The following PRR5 variants were observed in gnomAD, a reference collection of about 807,000 sequenced individuals.
PRR5 encodes proline rich 5.
In PRR5, 25 loss-of-function variants were observed where a neutral mutation model predicts 30.6. That is an observed-to-expected ratio of 0.82 (90% CI 0.60 to 1.14). The LOEUF (loss-of-function observed/expected upper bound fraction) is 1.14. Among genes scored for constraint, PRR5 ranks in the 50% most tolerant of loss-of-function variants. The pLI is 0.00. For missense variants in PRR5, 600 were observed against 547.1 expected (o/e 1.10, Z -0.96); for synonymous variants, 286 against 247.1 (o/e 1.16, Z -1.48).
chr22:44,675,762 GTTATTATTATTA>G (rs150864660), upstream of PRR5, among the ~76,000 whole-genome samples: 10 of 142,962 alleles, frequency 7.0e-5, no homozygotes, highest in African/African-American at 1.8e-4. Flanking sequence ...TGTTGCTGTT[GTTATTATTATTA>G]TTATTATTAT....
intron 3 of PRR5, among the ~76,000 whole-genome samples, chr22:44,725,703 T>A (rs762113714): frequency 1.3e-5 from 2 of 151,744 alleles, no homozygotes; most frequent in Non-Finnish European, 2.9e-5. Context: ...CTTGCTCTGT[T>A]GTCCAGGCTG....
At chr22:44,689,062 C>T (rs964150382) in intron 1 of PRR5, among the ~76,000 whole-genome samples, 6 of 152,072 alleles carry the variant, frequency 3.9e-5, no homozygotes, top group African/African-American at 9.7e-5. Context: ...TTTACAAGCT[C>T]GATCATAGAA....
upstream of PRR5, among the ~76,000 whole-genome samples, chr22:44,674,704 G>C (rs898436642): frequency 2.0e-5 from 3 of 151,584 alleles, no homozygotes; most frequent in African/African-American, 7.3e-5. Context: ...GGGCGACAGA[G>C]AGAGACTCCG....
At chr22:44,710,285 A>G (rs928324157) in intron 1 of PRR5, among the ~76,000 whole-genome samples, 2 of 147,066 alleles carry the variant, frequency 1.4e-5, no homozygotes, top group Non-Finnish European at 3.0e-5. Context: ...CCTCACCTGC[A>G]CCCCCCCCCC....
At position 44,702,455 on chromosome 22, in the gene PRR5, C is replaced by A. The variant is rs1398555059; in HGVS notation, c.-20C>A. On this transcript the variant is annotated 5_prime_UTR_variant, in exon 1 of 8. Transcript: ENST00000336985. Reference sequence around the variant, plus strand: ...CGGCGTGGGGCGCGCGTGGGCGCGGCGCAGGCGGCCCGGGTCACCATGAGG... The same window carrying A: ...CGGCGTGGGGCGCGCGTGGGCGCGGAGCAGGCGGCCCGGGTCACCATGAGG... 7.5e-7 allele frequency: 1 copy of A among 1,333,002 alleles called. No homozygotes were observed. The allele number at this position is 1,333,002 out of a possible 1,614,324, so 82.6% of individuals were successfully genotyped here.
intron 1 of PRR5, among the ~76,000 whole-genome samples, chr22:44,678,162 A>G (rs1923932114): frequency 6.6e-6 from 1 of 152,098 alleles, no homozygotes; most frequent in African/African-American, 2.4e-5. Flanking sequence ...TCCAATGCCC[A>G]GTCCTGGCTG....
chr22:44,670,357 A>C (rs1009234845), intron 1 of PRR5, among the ~76,000 whole-genome samples: 1 of 152,176 alleles, frequency 6.6e-6, no homozygotes, highest in Admixed American at 6.5e-5. Context: ...ATTGCTGTGA[A>C]GTCCGGCAGG....
chr22:44,671,293 C>T (rs553839005), intron 1 of PRR5, among the ~76,000 whole-genome samples: 17 of 152,350 alleles, frequency 1.1e-4, no homozygotes, highest in Non-Finnish European at 1.9e-4. Context: ...ATCATGAAGA[C>T]ATGGTTTAGC....
intron 1 of PRR5, among the ~76,000 whole-genome samples, chr22:44,710,448 T>C (rs993067015): frequency 6.6e-6 from 1 of 152,166 alleles, no homozygotes; most frequent in African/African-American, 2.4e-5. Context: ...AGGGAGGTCA[T>C]GGGCCGTTTC....
upstream of PRR5, chr22:44,702,158 C>T (rs1355773153): frequency 6.6e-5 from 30 of 451,644 alleles, no homozygotes; most frequent in Non-Finnish European, 8.7e-5. Context: ...CCCCGCCCCC[C>T]GGGGCGCCGA....
chr22:44,685,896 C>T (rs1330462639), intron 1 of PRR5, among the ~76,000 whole-genome samples: 2 of 152,208 alleles, frequency 1.3e-5, no homozygotes, highest in African/African-American at 4.8e-5. Context: ...TGCCCAGGGC[C>T]CTGGCTTCCG....
intron 1 of PRR5, among the ~76,000 whole-genome samples, chr22:44,709,499 G>C (rs1248464421): frequency 1.3e-5 from 2 of 152,020 alleles, no homozygotes; most frequent in African/African-American, 4.8e-5. Flanking sequence ...TTCTCCCCCC[G>C]CCCGAGCCTC....
chr22:44,696,066 G>A (rs763323525), intron 1 of PRR5, among the ~76,000 whole-genome samples: 4 of 150,824 alleles, frequency 2.7e-5, no homozygotes, highest in Non-Finnish European at 5.9e-5. Context: ...TGGGATTACA[G>A]GCACACACCA....
chr22:44,702,910 G>T (rs1474991720), intron 1 of PRR5, among the ~76,000 whole-genome samples: 1 of 152,238 alleles, frequency 6.6e-6, no homozygotes, highest in Non-Finnish European at 1.5e-5. Flanking sequence ...TCCTACCCGG[G>T]GTCTTTCCAC....
At chr22:44,736,611 G>A (rs132409) in intron 7 of PRR5, among the ~76,000 whole-genome samples, 161 bp from the exon 8 acceptor site, 27,708 of 147,486 alleles carry the variant, frequency 0.19, 3,335 homozygotes, top group Non-Finnish European at 0.27. Context: ...CTGAGCTGGT[G>A]TCAGGGCTTG....
intron 1 of PRR5, among the ~76,000 whole-genome samples, chr22:44,693,718 C>G (rs1925491004): frequency 6.9e-6 from 1 of 144,874 alleles, no homozygotes. Context: ...AGCTCTGTCT[C>G]TCAGGTTCAC....
intron 1 of PRR5, among the ~76,000 whole-genome samples, chr22:44,710,724 C>T (rs1928079345): frequency 6.6e-6 from 1 of 152,074 alleles, no homozygotes; most frequent in African/African-American, 2.4e-5. Context: ...GGGGGAGGGG[C>T]CTCTGCGGGT....
chr22:44,734,407 T>G (rs1265332480), intron 6 of PRR5: 1 of 152,486 alleles, frequency 6.6e-6, no homozygotes, highest in East Asian at 1.9e-4. Flanking sequence ...CAGCCCTCTT[T>G]GCTGGGTGCT....
chr22:44,713,189 A>C (rs917847414), intron 1 of PRR5, among the ~76,000 whole-genome samples: 1 of 152,220 alleles, frequency 6.6e-6, no homozygotes, highest in African/African-American at 2.4e-5. Flanking sequence ...AGCCCTGGGC[A>C]GGGAAGGAAC....
Sources: gnomAD v4.1 joint callset for allele counts (sites outside exome capture counted in the v4.1 genomes callset) on GRCh38, gnomAD v4.1.1 for gene constraint, MANE v1.5 for transcripts, NCBI Gene and HGNC (gene_info 2026-07-23, HGNC 2026-07-21) for gene names.